GAS2: variants seen among roughly 807,000 people sequenced by gnomAD.
GAS2 encodes growth arrest specific 2, also known as growth arrest-specific protein 2.
Under a neutral mutation model 37.5 loss-of-function variants are expected in GAS2, and 20 were observed. The ratio of observed to expected loss-of-function variants is 0.53; its 90% CI spans 0.37 to 0.77. GAS2 has a LOEUF of 0.77. Among genes scored for constraint, GAS2 ranks in the 30% least tolerant of loss-of-function variants. GAS2 has a pLI of 0.00. For synonymous variants in GAS2, 144 were observed against 132.2 expected (o/e 1.09, Z -0.61); for missense variants, 336 against 373.4 (o/e 0.90, Z 0.82).
chr11:22,652,993 G>GTCTTTCTCTT (rs1848805865), intron 1 of GAS2, among the ~76,000 whole-genome samples: 1 of 97,036 alleles, frequency 1.0e-5, no homozygotes, highest in Admixed American at 1.1e-4. Context: ...TTCTTTCTTT[G>GTCTTTCTCTT]TCTTTCTTTC....
At chr11:22,660,499 A>T (rs1848903841) in intron 1 of GAS2, among the ~76,000 whole-genome samples, 1 of 152,198 alleles carries the variant, frequency 6.6e-6, no homozygotes, top group Admixed American at 6.5e-5. Context: ...CCTATGAGAG[A>T]GTGGTATTTG....
chr11:22,701,881 A>G lies in GAS2; in HGVS notation c.267+16092A>G, dbSNP rs187156252. Among the ~76,000 whole-genome samples the G allele has an allele frequency of 7.2e-5, 11 of 152,262 alleles. No homozygotes were observed. The East Asian group carries it at 1.9e-3, about 27-fold the overall frequency. On this transcript the variant is annotated intron_variant, in intron 3 of 7. Coordinates refer to ENST00000454584, the MANE Select transcript of GAS2 (RefSeq NM_001143830.3). The stretch of plus-strand genomic sequence containing the variant: ...AAAAAAATTAGTTGCAAGAAGTCAC[A>G]GGTCTTAAGTAAGAAAAAGGCATTA...
intron 1 of GAS2, among the ~76,000 whole-genome samples, chr11:22,651,495 A>G (rs888006961): frequency 7.9e-5 from 12 of 152,120 alleles, no homozygotes; most frequent in African/African-American, 2.9e-4. Flanking sequence ...ATTCTCCTGG[A>G]TAATATCCTG....
At chr11:22,628,284 T>G (rs1858691034) in intron 1 of GAS2, among the ~76,000 whole-genome samples, 1 of 152,188 alleles carries the variant, frequency 6.6e-6, no homozygotes, top group South Asian at 2.1e-4. Context: ...AGATAGAAAC[T>G]GACAGGAGAG....
intron 1 of GAS2, among the ~76,000 whole-genome samples, chr11:22,627,088 C>T (rs748940980): frequency 1.4e-4 from 22 of 152,116 alleles, no homozygotes; most frequent in Non-Finnish European, 2.8e-4. Flanking sequence ...CCACCGCGCC[C>T]GGCTATTATT....
intron 3 of GAS2, among the ~76,000 whole-genome samples, chr11:22,700,503 C>A (rs337458): frequency 2.0e-5 from 3 of 151,980 alleles, no homozygotes; most frequent in African/African-American, 7.2e-5. Context: ...GATCTGAGGA[C>A]GTTAAAAGCA....
At chr11:22,689,314 A>G (rs1300622529) in intron 3 of GAS2, among the ~76,000 whole-genome samples, 1 of 152,150 alleles carries the variant, frequency 6.6e-6, no homozygotes, top group Non-Finnish European at 1.5e-5. Context: ...TTATGACCTC[A>G]CTTTCACTGC....
intron 7 of GAS2, among the ~76,000 whole-genome samples, chr11:22,788,237 A>G (rs1337561428): frequency 6.6e-6 from 1 of 152,226 alleles, no homozygotes; most frequent in Admixed American, 6.5e-5. Context: ...GAGAAACAAG[A>G]AATTATCACT....
At chr11:22,727,373 A>G (rs1279626070) in intron 4 of GAS2, among the ~76,000 whole-genome samples, 1 of 152,076 alleles carries the variant, frequency 6.6e-6, no homozygotes, top group Non-Finnish European at 1.5e-5. Flanking sequence ...TTCAGAGAGA[A>G]CAAGTATACA....
rs183213278 is a variant in GAS2, at chr11:22,709,981, G to C, written c.268-16311G>C. On this transcript the variant is annotated intron_variant, in intron 3 of 7. Coordinates refer to ENST00000454584, the MANE Select transcript of GAS2 (RefSeq NM_001143830.3). ...GAACAATGAGAACACATAGACACAG[G>C]AAGGGGAACATCGCACTCTGGGGAC... is the stretch of plus-strand genomic sequence containing the variant. 2.1e-5 allele frequency among the ~76,000 whole-genome samples: 3 copies of C among 144,952 alleles called. No homozygotes were observed. In the East Asian group the frequency reaches 6.4e-4, roughly 31 times the overall value.
chr11:22,762,905 T>A (rs1854474692), intron 7 of GAS2, among the ~76,000 whole-genome samples: 2 of 152,146 alleles, frequency 1.3e-5, no homozygotes, highest in Non-Finnish European at 2.9e-5. Context: ...TCTTGTTGAG[T>A]CTTCTCTTGC....
rs148099994 is a variant in GAS2, at chr11:22,808,149, G to A, written c.724-3649G>A. Among the ~76,000 whole-genome samples, 512 of 152,170 alleles carry A rather than the reference G, an allele frequency of 3.4e-3. 1 individual carries two copies. The highest frequency in any genetic ancestry group is 0.011 in the African/African-American group (475 of 41,506). ...GAGAAAACAGCAAATATATCCCTCC[G>A]CCTCACAATGACACAAAATCAATCA... On this transcript the variant is annotated intron_variant, in intron 7 of 7. Coordinates refer to ENST00000454584, the MANE Select transcript of GAS2 (RefSeq NM_001143830.3).
At chr11:22,690,322 A>C (rs1204220544) in intron 3 of GAS2, among the ~76,000 whole-genome samples, 1 of 152,178 alleles carries the variant, frequency 6.6e-6, no homozygotes, top group Non-Finnish European at 1.5e-5. Flanking sequence ...CTTTGGTTTG[A>C]TAAAATACTC....
rs560844271 is a variant in GAS2, at chr11:22,652,677, C to T, written c.-20-22173C>T. Among the ~76,000 whole-genome samples the T allele has an allele frequency of 6.6e-5, 10 of 152,324 alleles. No homozygotes were observed. In the South Asian group the frequency reaches 8.3e-4, roughly 13 times the overall value. The stretch of plus-strand genomic sequence containing the variant: ...GCGCAGTATTCGGGTGGGAGTGACC[C>T]GATTTTCCAGGTGCCGTCTGTCACC... On this transcript the variant is annotated intron_variant, in intron 1 of 5. Transcript: ENST00000528582.
intron 7 of GAS2, among the ~76,000 whole-genome samples, chr11:22,782,727 CAAAAAA>C (rs34232571): frequency 8.4e-6 from 1 of 119,612 alleles, no homozygotes; most frequent in East Asian, 2.3e-4. Flanking sequence ...CATGTTGCTG[CAAAAAA>C]AAAAAAAATA....
chr11:22,745,118 CAAAA>C (rs142582542), intron 5 of GAS2, among the ~76,000 whole-genome samples: 5 of 129,026 alleles, frequency 3.9e-5, no homozygotes, highest in South Asian at 2.6e-4. Flanking sequence ...CATTTGGAAC[CAAAA>C]AAAAAAAAAA....
chr11:22,645,532 C>T lies in GAS2; in HGVS notation c.-21+19719C>T. 1.3e-5 allele frequency among the ~76,000 whole-genome samples: 2 copies of T among 151,942 alleles called. 1 individual carries two copies. The highest frequency in any genetic ancestry group is 3.9e-4 in the East Asian group (2 of 5,182). On this transcript the variant is annotated intron_variant, in intron 1 of 5. Coordinates refer to the GAS2 transcript ENST00000528582. ...ATATATATATATATACACACACACA[C>T]ACATACATATAAAATATATTTATAT...
At chr11:22,704,210 T>C (rs1441596024) in intron 3 of GAS2, among the ~76,000 whole-genome samples, 1 of 151,544 alleles carries the variant, frequency 6.6e-6, no homozygotes, top group East Asian at 1.9e-4. Flanking sequence ...TTTTGTGCCA[T>C]GTTCTTTTAG....
At chr11:22,800,203 G>A (rs1335644004) in intron 7 of GAS2, among the ~76,000 whole-genome samples, 2 of 152,036 alleles carry the variant, frequency 1.3e-5, no homozygotes, top group Non-Finnish European at 2.9e-5. Context: ...TGCGAGCCAG[G>A]TTACTTGTTC....
Sources: gnomAD v4.1 joint callset for allele counts (sites outside exome capture counted in the v4.1 genomes callset) on GRCh38, gnomAD v4.1.1 for gene constraint, MANE v1.5 for transcripts, NCBI Gene and HGNC (gene_info 2026-07-23, HGNC 2026-07-21) for gene names.